UMAD1: variants seen among roughly 807,000 people sequenced by gnomAD.
UMAD1 encodes the protein UBAP1-MVB12-associated (UMA)-domain containing protein 1.
UMAD1 carries 8 observed loss-of-function variants against 6.1 expected under a neutral mutation model. The ratio of observed to expected loss-of-function variants is 1.30; its 90% CI spans 0.76 to 2.35. UMAD1 has a LOEUF of 2.35. Ranked by LOEUF, UMAD1 falls within the 30% of genes most tolerant of loss-of-function variation. UMAD1 has a pLI of 0.00. For missense variants in UMAD1, 130 were observed against 78.4 expected, an observed-to-expected ratio of 1.66 and a Z score of -2.49; for synonymous variants, 56 against 31.4, an observed-to-expected ratio of 1.78 and a Z score of -2.61.
At chr7:7,705,752 T>C (rs1780583180) in intron 2 of UMAD1, among the ~76,000 whole-genome samples, 1 of 152,156 alleles carries the variant, frequency 6.6e-6, no homozygotes, top group South Asian at 2.1e-4. Context: ...ACTCATAGAA[T>C]ATAAAATAAA....
At chr7:7,745,367 A>G (rs189381064) in intron 2 of UMAD1, among the ~76,000 whole-genome samples, 12 of 152,264 alleles carry the variant, frequency 7.9e-5, no homozygotes, top group African/African-American at 2.6e-4. Context: ...TCTGATTTCT[A>G]ATTATATCAC....
intron 1 of UMAD1, among the ~76,000 whole-genome samples, chr7:7,646,809 T>G (rs573106408): frequency 6.6e-6 from 1 of 152,120 alleles, no homozygotes; most frequent in African/African-American, 2.4e-5. Flanking sequence ...TCTCCTCTGC[T>G]GCACCATTCT....
At chr7:7,736,323 A>T (rs1289799955) in intron 2 of UMAD1, 1 of 152,950 alleles carries the variant, frequency 6.5e-6, no homozygotes, top group Non-Finnish European at 1.5e-5. Flanking sequence ...TTTCTTCCTT[A>T]TAAGTACCAG....
chr7:7,718,113 A>C (rs377682151), intron 2 of UMAD1, among the ~76,000 whole-genome samples: 10 of 152,202 alleles, frequency 6.6e-5, no homozygotes, highest in African/African-American at 2.2e-4. Flanking sequence ...AATAAGTTAT[A>C]AATTTTAGAT....
chr7:7,727,216 G>C (rs1170430237), intron 2 of UMAD1, among the ~76,000 whole-genome samples: 1 of 152,128 alleles, frequency 6.6e-6, no homozygotes, highest in African/African-American at 2.4e-5. Context: ...TCCTCTTTTT[G>C]TTAAAAACAT....
chr7:7,728,515 G>A (rs1781187282), intron 2 of UMAD1, among the ~76,000 whole-genome samples: 1 of 152,058 alleles, frequency 6.6e-6, no homozygotes, highest in Non-Finnish European at 1.5e-5. Context: ...GTGGTGGCGT[G>A]CACCTGTAGT....
chr7:7,660,403 T>G (rs979543725), intron 1 of UMAD1, among the ~76,000 whole-genome samples: 1 of 152,230 alleles, frequency 6.6e-6, no homozygotes, highest in African/African-American at 2.4e-5. Context: ...GTGTTGATGG[T>G]CTTTACAATT....
intron 2 of UMAD1, among the ~76,000 whole-genome samples, chr7:7,732,615 A>G (rs1781279472): frequency 6.6e-6 from 1 of 152,178 alleles, no homozygotes; most frequent in African/African-American, 2.4e-5. Context: ...CTGATTTTCC[A>G]CCTCATTGAA....
intron 2 of UMAD1, among the ~76,000 whole-genome samples, chr7:7,722,929 C>T (rs1781076332): frequency 6.6e-6 from 1 of 152,238 alleles, no homozygotes; most frequent in African/African-American, 2.4e-5. Flanking sequence ...GAAACAGCTT[C>T]TCCATCCCCA....
In UMAD1 at chr7:7,706,597, A is replaced by G. The variant is rs182310158; in HGVS notation, c.82+33144A>G. Among the ~76,000 whole-genome samples, 426 of 152,294 alleles carry G rather than the reference A, an allele frequency of 2.8e-3. 5 individuals carry two copies. Among genetic ancestry groups the G allele is most frequent in the African/African-American group, 9.6e-3 (398 of 41,576 alleles). On this transcript the variant is annotated intron_variant, in intron 2 of 3. Transcript: ENST00000682710. The stretch of plus-strand genomic sequence containing the variant: ...TACAAAACTTAAGTAACCCATCCAA[A>G]GGCACATACTAGTAGGTAATAATGA...
chr7:7,702,388 A>G (rs1370753015), intron 2 of UMAD1, among the ~76,000 whole-genome samples: 2 of 152,098 alleles, frequency 1.3e-5, no homozygotes, highest in Non-Finnish European at 2.9e-5. Flanking sequence ...ATTATCTCTT[A>G]TTTTTTAAAT....
At chr7:7,674,462 T>C (rs1254128496) in intron 2 of UMAD1, among the ~76,000 whole-genome samples, 1 of 152,218 alleles carries the variant, frequency 6.6e-6, no homozygotes, top group African/African-American at 2.4e-5. Flanking sequence ...TCTACAGCCA[T>C]GTTCTGGCAG....
chr7:7,872,665 A>G (rs1339813391), intron 3 of UMAD1, among the ~76,000 whole-genome samples: 1 of 152,234 alleles, frequency 6.6e-6, no homozygotes, highest in Non-Finnish European at 1.5e-5. Flanking sequence ...CAAACCTTCA[A>G]TTTGTAAAAA....
At chr7:7,808,307 A>G (rs2115281229) in intron 3 of UMAD1, among the ~76,000 whole-genome samples, 1 of 152,108 alleles carries the variant, frequency 6.6e-6, no homozygotes, top group South Asian at 2.1e-4. Flanking sequence ...TGTAACTTAC[A>G]GCTCAGGGAG....
chr7:7,788,952 CTTTATAT>C (rs551298032), intron 2 of UMAD1, among the ~76,000 whole-genome samples: 1 of 152,078 alleles, frequency 6.6e-6, no homozygotes, highest in Non-Finnish European at 1.5e-5. Context: ...TTGCCTAATA[CTTTATAT>C]TTTAAATTTC....
intron 1 of UMAD1, among the ~76,000 whole-genome samples, chr7:7,671,843 C>G (rs1167719372): frequency 1.3e-5 from 2 of 152,166 alleles, no homozygotes; most frequent in African/African-American, 2.4e-5. Context: ...CCAGTAAGCA[C>G]TTTCTTTAAG....
chr7:7,741,183 C>CA (rs1781455293), intron 2 of UMAD1: 1 of 151,906 alleles, frequency 6.6e-6, no homozygotes, highest in Admixed American at 6.6e-5. Flanking sequence ...GGCAGTAATT[C>CA]AGGGAGTAAG....
At chr7:7,739,059 A>G (rs1243660514) in intron 2 of UMAD1, 1 of 152,276 alleles carries the variant, frequency 6.6e-6, no homozygotes, top group Non-Finnish European at 1.5e-5. Context: ...TTATTCAGGC[A>G]CAAAATCTGG....
At chr7:7,876,421 G>C (rs1204818198) in intron 3 of UMAD1, among the ~76,000 whole-genome samples, 4 of 152,120 alleles carry the variant, frequency 2.6e-5, no homozygotes, top group South Asian at 2.1e-4. Flanking sequence ...AGGGTCAAGG[G>C]GGGAGTCATT....
Sources: gnomAD v4.1 joint callset for allele counts (sites outside exome capture counted in the v4.1 genomes callset) on GRCh38, gnomAD v4.1.1 for gene constraint, MANE v1.5 for transcripts, NCBI Gene and HGNC (gene_info 2026-07-23, HGNC 2026-07-21) for gene names.